PTK2: variants seen among roughly 807,000 people sequenced by gnomAD.
The protein encoded by PTK2 is protein tyrosine kinase 2.
A neutral mutation model predicts 150.1 loss-of-function variants in PTK2; 45 were observed. The observed-to-expected ratio is 0.30, with a 90% CI of 0.24 to 0.38. The LOEUF (loss-of-function observed/expected upper bound fraction) is 0.38. Ranked by LOEUF, PTK2 falls within the 10% of genes least tolerant of loss-of-function variation. The pLI is 1.00. For synonymous variants in PTK2, 432 were observed against 449.2 expected (o/e 0.96, Z 0.48); for missense variants, 919 against 1,307.3 (o/e 0.70, Z 4.58).
intron 16 of PTK2, 47 bp from the exon 20 acceptor site, chr8:140,752,363 GCTATATTAATTGATTCATGAAAAC>G: frequency 6.5e-7 from 1 of 1,546,522 alleles, no homozygotes; most frequent in Non-Finnish European, 8.9e-7. Flanking sequence ...AAAAAGGTTT[GCTATATTAATTGATTCATGAAAAC>G]CTGTCTGTTT....
At chr8:141,000,087 T>TCACACA (rs71310820) in intron 1 of PTK2, among the ~76,000 whole-genome samples, 10,313 of 81,536 alleles carry the variant, frequency 0.13, 563 homozygotes, top group East Asian at 0.17. Context: ...TGAAACCAAT[T>TCACACA]CACACACACA....
chr8:140,713,055 G>A (rs2100037676), intron 23 of PTK2, among the ~76,000 whole-genome samples: 1 of 152,228 alleles, frequency 6.6e-6, no homozygotes, highest in Non-Finnish European at 1.5e-5. Context: ...GTCTAGGTGT[G>A]CAGCAGCAGG....
At chr8:140,769,461 A>T in intron 14 of PTK2, 114 bp downstream of exon 16, 1 of 572,608 alleles carries the variant, frequency 1.7e-6, no homozygotes, top group Non-Finnish European at 2.6e-6. Context: ...ACCATTTTGT[A>T]CTTGGTTCTG....
upstream of PTK2, chr8:141,001,366 C>T (rs1303811842): frequency 2.0e-5 from 3 of 150,458 alleles, no homozygotes; most frequent in Admixed American, 6.6e-5. Flanking sequence ...CCGACCCGGT[C>T]TCAGTCCGGA....
At chr8:140,902,225 G>A (rs2100158786) in intron 2 of PTK2, among the ~76,000 whole-genome samples, 1 of 152,010 alleles carries the variant, frequency 6.6e-6, no homozygotes, top group South Asian at 2.1e-4. Context: ...GTAAAGATGG[G>A]GTTTTGCCAT....
In PTK2 at chr8:140,735,334, A is replaced by G. The variant is rs149694113; in HGVS notation, c.1947T>C (p.Pro649=). Residue 649 remains proline (P), a synonymous_variant, in exon 22 of 32, where the codon CCT becomes CCC. Coordinates refer to ENST00000522684, the Ensembl canonical transcript of PTK2. ...ATTTCGTCATAAGGCTGTAGAGGGT[A>G]GGAGGACAATTTGGAGGCATTGGTA... 4,593 of 1,614,138 alleles carry G rather than the reference A, an allele frequency of 2.8e-3. 27 individuals are homozygous for G. Among genetic ancestry groups the G allele is most frequent in the South Asian group, 0.01 (945 of 91,080 alleles).
At chr8:140,843,815 T>C (rs534547706) in intron 7 of PTK2, among the ~76,000 whole-genome samples, 5 of 152,196 alleles carry the variant, frequency 3.3e-5, no homozygotes, top group Non-Finnish European at 7.4e-5. Flanking sequence ...ATTACTTTGG[T>C]ACATTTGTCA....
At chr8:140,662,588 G>C (rs2082136021) in intron 31 of PTK2, 1 of 437,420 alleles carries the variant, frequency 2.3e-6, no homozygotes, top group Non-Finnish European at 4.1e-6. Flanking sequence ...TACAGCACCA[G>C]TCACAGGCCT....
intron 2 of PTK2, among the ~76,000 whole-genome samples, chr8:140,900,180 G>C (rs1487357949): frequency 6.6e-6 from 1 of 152,172 alleles, no homozygotes; most frequent in Middle Eastern, 3.2e-3. Flanking sequence ...CAGATGACAT[G>C]ATCTTATAAC....
At chr8:140,759,847 CCACA>C (rs113580900) in intron 16 of PTK2, among the ~76,000 whole-genome samples, 3 of 144,664 alleles carry the variant, frequency 2.1e-5, no homozygotes, top group African/African-American at 2.5e-5. Context: ...TCTCTCTCAC[CCACA>C]CACACACACA....
At position 140,735,534 on chromosome 8, in the gene PTK2, C is replaced by T. The variant is rs537467752; in HGVS notation, c.1826-79G>A. On this transcript the variant is annotated intron_variant, in intron 21 of 31. Coordinates refer to ENST00000522684, the Ensembl canonical transcript of PTK2. ...CCCAGGTTCCAGGAACATTGTTCTT[C>T]TAGGCACTCGAGTACCAGCTGGGAG... 3.5e-5 allele frequency: 50 copies of T among 1,439,496 alleles called. No individual in the cohort carries two copies. In the South Asian group the frequency reaches 5.8e-4, roughly 17 times the overall value. 89.2% of individuals were successfully genotyped at this position (1,439,496 alleles called of 1,614,324 possible).
intron 22 of PTK2, among the ~76,000 whole-genome samples, chr8:140,719,195 C>A (rs1428548382): frequency 6.6e-6 from 1 of 152,048 alleles, no homozygotes; most frequent in African/African-American, 2.4e-5. Context: ...CCCCCAAAAT[C>A]ACATAAGCAT....
chr8:140,931,870 C>A lies in PTK2; in HGVS notation c.-121-6121G>T, dbSNP rs1318635645. Among the ~76,000 whole-genome samples, 9 of 132,410 alleles carry A rather than the reference C, an allele frequency of 6.8e-5. No homozygotes were observed. In the Admixed American group the frequency reaches 8.1e-4, roughly 12 times the overall value. The allele number at this position is 132,410 out of a possible 152,430, so 86.9% of individuals were successfully genotyped here. On this transcript the variant is annotated intron_variant, in intron 1 of 31. Transcript: ENST00000522684. ...GCTGTTTGAGCCCAGAAGGTGGAGG[C>A]TATAATGAGCCATGATTGGGCCACT...
chr8:140,667,895 C>T (rs1477535422), intron 30 of PTK2, among the ~76,000 whole-genome samples: 2 of 152,122 alleles, frequency 1.3e-5, no homozygotes, highest in Admixed American at 6.5e-5. Flanking sequence ...ACCACATCTC[C>T]CTAAGTCTTA....
At chr8:140,695,007 C>G (rs7839119) in intron 26 of PTK2, among the ~76,000 whole-genome samples, 2 of 152,058 alleles carry the variant, frequency 1.3e-5, no homozygotes, top group African/African-American at 4.8e-5. Context: ...TAAAAATCTG[C>G]ATCTCCAGCG....
intron 16 of PTK2, among the ~76,000 whole-genome samples, chr8:140,753,934 G>A (rs1363406454): frequency 6.6e-6 from 1 of 152,188 alleles, no homozygotes; most frequent in Non-Finnish European, 1.5e-5. Context: ...TCATTAATAA[G>A]TTAGATGTGT....
At chr8:140,837,032 A>G (rs4460415) in intron 7 of PTK2, among the ~76,000 whole-genome samples, 25,804 of 152,122 alleles carry the variant, frequency 0.17, 2,624 homozygotes, top group East Asian at 0.48. Flanking sequence ...TTAACACTGT[A>G]TTGGTTTGTC....
At chr8:140,695,413 T>C (rs1032079768) in intron 26 of PTK2, among the ~76,000 whole-genome samples, 1 of 129,602 alleles carries the variant, frequency 7.7e-6, no homozygotes. Flanking sequence ...GGTGGTCCTA[T>C]TTTTTTTTTT....
chr8:140,933,856 TA>T (rs984519784), intron 1 of PTK2, among the ~76,000 whole-genome samples: 5 of 150,082 alleles, frequency 3.3e-5, no homozygotes, highest in Non-Finnish European at 1.5e-5. Context: ...TACGTCAATT[TA>T]AAAAAAAAGA....
Sources: gnomAD v4.1 joint callset for allele counts (sites outside exome capture counted in the v4.1 genomes callset) on GRCh38, gnomAD v4.1.1 for gene constraint, MANE v1.5 for transcripts, NCBI Gene and HGNC (gene_info 2026-07-23, HGNC 2026-07-21) for gene names.